The following XIRP2 variants were observed in gnomAD, a reference collection of about 807,000 sequenced individuals.
XIRP2 encodes the protein xin actin binding repeat containing 2.
XIRP2 carries 236 observed loss-of-function variants against 277.0 expected under a neutral mutation model. The observed-to-expected ratio is 0.85, with a 90% confidence interval of 0.77 to 0.95. The LOEUF is 0.95. XIRP2 is among the 40% of genes least tolerant of loss of function. XIRP2 has a pLI of 0.00. For synonymous variants in XIRP2, 1,490 were observed against 1,416.5 expected, an observed-to-expected ratio of 1.05 and a Z score of -1.17; for missense variants, 4,640 against 4,157.5, an observed-to-expected ratio of 1.12 and a Z score of -3.19.
chr2:167,084,704 G>C (rs1237467894), intron 2 of XIRP2, among the ~76,000 whole-genome samples: 3 of 151,748 alleles, frequency 2.0e-5, no homozygotes, highest in African/African-American at 7.3e-5. Context: ...ATCCATTTCT[G>C]CTAGATTTTC....
chr2:167,236,571 C>T (rs527534164), intron 5 of XIRP2, among the ~76,000 whole-genome samples: 149 of 152,006 alleles, frequency 9.8e-4, no homozygotes, highest in African/African-American at 3.3e-3. Context: ...ATCTCTTTTT[C>T]TTTCCTTTAA....
At chr2:167,200,438 A>AG (rs1244958757) in intron 3 of XIRP2, among the ~76,000 whole-genome samples, 2 of 152,214 alleles carry the variant, frequency 1.3e-5, no homozygotes, top group Non-Finnish European at 2.9e-5. Flanking sequence ...GGAACCATTA[A>AG]GGGGGCGGGG....
intron 2 of XIRP2, among the ~76,000 whole-genome samples, chr2:166,911,145 T>C (rs1261784061): frequency 6.6e-6 from 1 of 152,218 alleles, no homozygotes; most frequent in Non-Finnish European, 1.5e-5. Context: ...GTTACAGAGC[T>C]GAGTTCAATT....
chr2:167,233,710 AT>A (rs921534978), intron 5 of XIRP2, among the ~76,000 whole-genome samples: 1 of 151,138 alleles, frequency 6.6e-6, no homozygotes, highest in South Asian at 2.1e-4. Flanking sequence ...AGAATATTTT[AT>A]TTTTTTTGTA....
At position 167,245,733 on chromosome 2, in the gene XIRP2, C is replaced by A. The variant is rs1329222323; in HGVS notation, c.4341C>A (p.Gly1447=). The A allele has an allele frequency of 5.6e-6, 9 of 1,613,392 alleles. No homozygotes were observed. The highest frequency in any genetic ancestry group is 5.3e-5 in the African/African-American group (4 of 74,848). Residue 1447 remains glycine (G), a synonymous_variant, in exon 9 of 11, where the codon GGC becomes GGA. Coordinates refer to ENST00000409195, the MANE Select transcript of XIRP2 (RefSeq NM_152381.6). ...TAAGTGTCAATGAAATACAAAAGGG[C>A]AATGTTAAAACATCTACTTGGCTAT... ...RTVSVNEIQK[G]NVKTSTWLFE... is the part of the protein sequence containing the mutation.
intron 2 of XIRP2, among the ~76,000 whole-genome samples, chr2:166,978,874 G>C (rs1686788544): frequency 6.6e-6 from 1 of 152,036 alleles, no homozygotes; most frequent in Admixed American, 6.6e-5. Context: ...CAGCTACTCA[G>C]GTGGCTAAAG....
At chr2:167,001,121 C>A (rs1687356597) in intron 2 of XIRP2, among the ~76,000 whole-genome samples, 1 of 152,150 alleles carries the variant, frequency 6.6e-6, no homozygotes, top group South Asian at 2.1e-4. Context: ...ATACTAAGTT[C>A]TTTTGAAAAT....
rs544694754 is a variant in XIRP2 at position 167,023,263 on chromosome 2, G to A, written c.409-112646G>A. Among the ~76,000 whole-genome samples, 12 of 152,230 alleles carry A rather than the reference G, an allele frequency of 7.9e-5. No homozygotes were observed. The East Asian group carries it at 1.9e-3, about 24-fold the overall frequency. ...CTGCATAAATGTCTTCTTTTGAGAAGTGTCTGTTCATGTCCTTCACCCACT... is the reference window on the plus strand; with the variant it reads ...CTGCATAAATGTCTTCTTTTGAGAAATGTCTGTTCATGTCCTTCACCCACT... On this transcript the variant is annotated intron_variant, in intron 2 of 10. Transcript: ENST00000409195.
At position 167,239,928 on chromosome 2, in the gene XIRP2, C is replaced by A; in HGVS notation, c.932C>A (p.Ser311Tyr). ...QEMARNEQEG[S>Y]KVQKIDVHGT... ...ATGGCAAGAAATGAACAAGAAGGGT[C>A]CAAAGTACAGAAAATTGATGTTCAT... is the stretch of plus-strand genomic sequence containing the variant. The change falls in exon 6 of 11, where the codon TCC (serine) becomes TAC (tyrosine). Residue 311 changes from serine to tyrosine, a missense_variant. Ser to Tyr is a moderately radical substitution (Grantham distance 144). Coordinates refer to ENST00000409195, the MANE Select transcript of XIRP2 (RefSeq NM_152381.6). 1 of 1,601,464 alleles carries A rather than the reference C, an allele frequency of 6.2e-7. No homozygotes were observed. The highest frequency in any genetic ancestry group is 1.1e-5 in the South Asian group (1 of 87,820).
rs117146599 is a variant in XIRP2, at chr2:167,035,137, A to G, written c.409-100772A>G. 6.2e-3 allele frequency among the ~76,000 whole-genome samples: 941 copies of G among 152,274 alleles called. 78 individuals carry two copies. In the East Asian group the frequency reaches 0.16, roughly 26 times the overall value. On this transcript the variant is annotated intron_variant, in intron 2 of 10. Coordinates refer to ENST00000409195, the MANE Select transcript of XIRP2 (RefSeq NM_152381.6). ...CTCTTTTTTCTTCCCAGTCTCCAGT[A>G]TGTCTTGATCAGCAGCATGAACATG...
At chr2:167,107,719 A>G (rs117950383) in intron 2 of XIRP2, among the ~76,000 whole-genome samples, 3,298 of 150,982 alleles carry the variant, frequency 0.022, 50 homozygotes, top group East Asian at 0.051. Context: ...TTTTTGTCTG[A>G]TTTTGGTATC....
chr2:166,892,159 A>G (rs946321623), intron 1 of XIRP2, among the ~76,000 whole-genome samples: 6 of 152,142 alleles, frequency 3.9e-5, no homozygotes, highest in Admixed American at 1.3e-4. Flanking sequence ...CTATCCAACA[A>G]TACCTTTTTA....
intron 2 of XIRP2, among the ~76,000 whole-genome samples, chr2:166,907,127 A>C (rs7564737): frequency 0.31 from 47,328 of 152,006 alleles, 7,883 homozygotes; most frequent in East Asian, 0.59. Flanking sequence ...CTAAAACACC[A>C]TGTTAAAACA....
chr2:167,024,271 T>G (rs557635750), intron 2 of XIRP2, among the ~76,000 whole-genome samples: 4,584 of 152,208 alleles, frequency 0.03, 79 homozygotes, highest in East Asian at 0.082. Flanking sequence ...TATTGGTGTA[T>G]AAGAATGCTT....
chr2:167,248,297 C>T lies in XIRP2; in HGVS notation c.6905C>T (p.Ala2302Val), dbSNP rs774584799. ...CCACCTCCTCCACCACCTTCTAATGCATCATCTGAAATTGAATTTCCTCTT... is the reference window on the plus strand; with the variant it reads ...CCACCTCCTCCACCACCTTCTAATGTATCATCTGAAATTGAATTTCCTCTT... ...PSPPPPPPSNASSEIEFPLPP... is the reference protein window; with the variant it reads ...PSPPPPPPSNVSSEIEFPLPP... Residue 2302 changes from alanine to valine, a missense_variant, in exon 9 of 11, where the codon GCA becomes GTA. By Grantham distance (64) the Ala-to-Val change is moderately conservative. Transcript: ENST00000409195. 7.4e-5 allele frequency: 119 copies of T among 1,613,512 alleles called. No homozygotes were observed. Among genetic ancestry groups the T allele is most frequent in the Non-Finnish European group, 9.8e-5 (116 of 1,179,774 alleles).
intron 2 of XIRP2, among the ~76,000 whole-genome samples, chr2:166,964,271 A>T (rs1686370700): frequency 6.6e-6 from 1 of 151,818 alleles, no homozygotes; most frequent in Non-Finnish European, 1.5e-5. Flanking sequence ...TAATTGTATT[A>T]ATCATATTGT....
Position 166,981,864 on chromosome 2 carries a change from A to G in XIRP2, c.408+77974A>G, listed in dbSNP as rs573215648. Reference sequence around the variant, plus strand: ...ATCAATTTTGAAGGGATGCTACTCAACATAGTACAAACACTTAGATATACT... The same window carrying G: ...ATCAATTTTGAAGGGATGCTACTCAGCATAGTACAAACACTTAGATATACT... On this transcript the variant is annotated intron_variant, in intron 2 of 10. Coordinates refer to ENST00000409195, the MANE Select transcript of XIRP2 (RefSeq NM_152381.6). Among the ~76,000 whole-genome samples, 4 of 152,338 alleles carry G rather than the reference A, an allele frequency of 2.6e-5. No individual in the cohort carries two copies. The South Asian group carries it at 6.2e-4, about 24-fold the overall frequency.
chr2:167,181,996 C>T (rs11510359), intron 3 of XIRP2, among the ~76,000 whole-genome samples: 15,055 of 152,104 alleles, frequency 0.099, 797 homozygotes, highest in South Asian at 0.16. Context: ...AAATTTATCA[C>T]GGTCGCTCTA....
At chr2:167,088,310 C>A (rs1690025208) in intron 2 of XIRP2, among the ~76,000 whole-genome samples, 1 of 152,056 alleles carries the variant, frequency 6.6e-6, no homozygotes, top group South Asian at 2.1e-4. Context: ...CTCTTCAGGA[C>A]TCCACTTGAG....
Sources: gnomAD v4.1 joint callset for allele counts (sites outside exome capture counted in the v4.1 genomes callset) on GRCh38, gnomAD v4.1.1 for gene constraint, MANE v1.5 for transcripts, NCBI Gene and HGNC (gene_info 2026-07-23, HGNC 2026-07-21) for gene names.